The following DSPP variants were observed in gnomAD, a reference collection of about 807,000 sequenced individuals.
DSPP encodes dentin sialophosphoprotein, also known as deafness, autosomal dominant 39.
In DSPP, 28 loss-of-function variants were observed where a neutral mutation model predicts 29.1. That is an observed-to-expected ratio of 0.96 (90% CI 0.71 to 1.32). DSPP has a LOEUF of 1.32. Among genes scored for constraint, DSPP ranks in the 40% most tolerant of loss-of-function variants. The pLI is 0.00. For missense variants in DSPP, 1,281 were observed against 1,629.9 expected (o/e 0.79, Z 3.69); for synonymous variants, 481 against 503.4 (o/e 0.96, Z 0.60).
chr4:87,609,758 G>T (rs180684155), intron 1 of DSPP, among the ~76,000 whole-genome samples: 1 of 152,168 alleles, frequency 6.6e-6, no homozygotes, highest in Admixed American at 6.5e-5. Context: ...CTATACATCT[G>T]GTGGGAGTTC....
rs1463483378 is a variant in DSPP at position 87,615,508 on chromosome 4, A to G, written c.2846A>G (p.Asp949Gly). Reference protein sequence around the residue: ...SNSSDSSDSSDSSNSSDSSNS... With the variant: ...SNSSDSSDSSGSSNSSDSSNS... The stretch of plus-strand genomic sequence containing the variant: ...AGCAGTGACAGCAGTGATAGCAGTG[A>G]CAGCAGTAATAGTAGTGACAGCAGC... The change falls in exon 5 of 5, where the codon GAC (aspartate) becomes GGC (glycine). Residue 949 changes from aspartate to glycine, a missense_variant. Around this residue, in one of 4 missense-constraint regions of DSPP, gnomAD observed 444 missense variants for 611.4 expected, o/e 0.73. Coordinates refer to ENST00000651931, the MANE Select transcript of DSPP (RefSeq NM_014208.3). 9.7e-6 allele frequency: 15 copies of G among 1,543,506 alleles called. No homozygotes were observed. Among genetic ancestry groups the G allele is most frequent in the Middle Eastern group, 1.7e-4 (1 of 5,954 alleles).
At position 87,613,835 on chromosome 4, in the gene DSPP, AG is replaced by A. The variant is rs1341253075; in HGVS notation, c.1174del (p.Val392LeufsTer16). On this transcript the variant is annotated frameshift_variant, in exon 5 of 5. Transcript: ENST00000651931. LOFTEE classifies it low-confidence loss of function (END_TRUNC). ...GTGGCAACAGAAATATTACCAAAGAAGTTGGGAAAGGCAACGAAGGTAAAGA... is the reference window on the plus strand; with the variant it reads ...GTGGCAACAGAAATATTACCAAAGAATTGGGAAAGGCAACGAAGGTAAAGA... ...SSGNRNITKEVGKGNEGKEDK... is the reference protein window; with the variant it reads ...SSGNRNITKEXGKGNEGKEDK... The A allele has an allele frequency of 6.2e-7, 1 of 1,614,208 alleles. No homozygotes were observed. The highest frequency in any genetic ancestry group is 8.5e-7 in the Non-Finnish European group (1 of 1,180,034).
At chr4:87,611,063 G>A in intron 2 of DSPP, 104 bp downstream of exon 2, 1 of 1,070,168 alleles carries the variant, frequency 9.3e-7, no homozygotes, top group Non-Finnish European at 1.4e-6. Context: ...GTGTGTGTGT[G>A]CATGTACATG....
rs1320656213 is a variant in DSPP at position 87,615,193 on chromosome 4, G to T, written c.2531G>T (p.Ser844Ile). Residue 844 changes from serine to isoleucine, a missense_variant, in exon 5 of 5, where the codon AGC becomes ATC. Coordinates refer to ENST00000651931, the MANE Select transcript of DSPP (RefSeq NM_014208.3). ...DSSNSSDSSD[S>I]SDSSDGSDSD... ...AGCAACAGCAGTGATAGCAGCGACAGCAGCGATAGCAGTGACGGCAGTGAT... is the reference window on the plus strand; with the variant it reads ...AGCAACAGCAGTGATAGCAGCGACATCAGCGATAGCAGTGACGGCAGTGAT... 1.3e-6 allele frequency: 2 copies of T among 1,515,536 alleles called. No homozygotes were observed. The highest frequency in any genetic ancestry group is 2.8e-5 in the African/African-American group (2 of 72,148). 93.9% of individuals were successfully genotyped at this position (1,515,536 alleles called of 1,614,324 possible). A position where few individuals can be genotyped will look rare whatever the true frequency, so the allele number is the denominator to read the frequency against.
rs1472687825 is a variant in DSPP, at chr4:87,612,718, G to A, written c.532G>A (p.Val178Ile). The A allele has an allele frequency of 1.9e-6, 3 of 1,614,052 alleles. No individual in the cohort carries two copies. Among genetic ancestry groups the A allele is most frequent in the Non-Finnish European group, 2.5e-6 (3 of 1,180,024 alleles). ...GDAGHNEDVA[V>I]VQEDGPQVAG... is the part of the protein sequence containing the mutation. ...TGCAGGTCACAATGAGGATGTCGCT[G>A]TTGTCCAAGAAGATGGACCTCAAGT... The change falls in exon 4 of 5, where the codon GTT becomes ATT. Residue 178 changes from valine to isoleucine, a missense_variant. Physicochemically the swap from Val to Ile is conservative, Grantham distance 29. Around this residue, in one of 4 missense-constraint regions of DSPP, gnomAD observed 631 missense variants for 643.2 expected, o/e 0.98. Coordinates refer to ENST00000651931, the MANE Select transcript of DSPP (RefSeq NM_014208.3).
At position 87,611,033 on chromosome 4, in the gene DSPP, G is replaced by C. The variant is rs796875549; in HGVS notation, c.51+74G>C. ...ACCTAACATTAATACAAAATGTAGTGTGTGTGTGTGTGTGTGTGTGTGTGT... is the reference window on the plus strand; with the variant it reads ...ACCTAACATTAATACAAAATGTAGTCTGTGTGTGTGTGTGTGTGTGTGTGT... On this transcript the variant is annotated intron_variant, in intron 2 of 4. Transcript: ENST00000651931. The C allele has an allele frequency of 7.9e-5, 53 of 667,556 alleles. No homozygotes were observed. In the African/African-American group the frequency reaches 1.1e-3, roughly 13 times the overall value. The allele number at this position is 667,556 out of a possible 1,614,324, so 41.4% of individuals were successfully genotyped here.
Position 87,616,199 on chromosome 4 carries a change from T to C in DSPP, c.3537T>C (p.Asn1179=), listed in dbSNP as rs367686474. 774 of 1,429,306 alleles carry C rather than the reference T, an allele frequency of 5.4e-4. 25 individuals are homozygous for C. The highest frequency in any genetic ancestry group is 4.9e-3 in the African/African-American group (262 of 53,656). The allele number at this position is 1,429,306 out of a possible 1,614,324, so 88.5% of individuals were successfully genotyped here. The change falls in exon 5 of 5, where the codon AAT becomes AAC. Residue 1179 remains asparagine, a synonymous_variant. Coordinates refer to ENST00000651931, the MANE Select transcript of DSPP (RefSeq NM_014208.3). ...SDSSDSSDSS[N]SSDSSDSSDS... is the part of the protein sequence containing the mutation. Reference sequence around the variant, plus strand: ...GCAGCGATAGCAGTGACAGCAGCAATAGCAGTGATAGCAGCGACAGCAGTG... The same window carrying C: ...GCAGCGATAGCAGTGACAGCAGCAACAGCAGTGATAGCAGCGACAGCAGTG...
Position 87,616,792 on chromosome 4 carries a change from C to A in DSPP, c.*224C>A, listed in dbSNP as rs754320673. On this transcript the variant is annotated 3_prime_UTR_variant, in exon 5 of 5. Transcript: ENST00000651931. ...CCTTTGGTACATGCCTGTTAATATT[C>A]ATGTTCTGAAAATATTTTGTTAAAA... 3.3e-5 allele frequency: 22 copies of A among 674,738 alleles called. No homozygotes were observed. The highest frequency in any genetic ancestry group is 4.9e-5 in the Non-Finnish European group (20 of 404,792). The allele number at this position is 674,738 out of a possible 1,614,324, so 41.8% of individuals were successfully genotyped here.
rs1204485648 is a variant in DSPP, at chr4:87,615,395, C to G, written c.2733C>G (p.Ser911Arg). 5.2e-6 allele frequency: 7 copies of G among 1,350,030 alleles called. No individual in the cohort carries two copies. Among genetic ancestry groups the G allele is most frequent in the Non-Finnish European group, 5.8e-6 (6 of 1,030,848 alleles). The allele number at this position is 1,350,030 out of a possible 1,614,324, so 83.6% of individuals were successfully genotyped here. A position where few individuals can be genotyped will look rare whatever the true frequency, so the allele number is the denominator to read the frequency against. ...SDSDSSDSSN[S>R]SDSSDSSNSS... ...GTGACAGCAGTGATAGCAGCAACAGCAGTGACAGCAGTGATAGCAGCAACA... is the reference window on the plus strand; with the variant it reads ...GTGACAGCAGTGATAGCAGCAACAGGAGTGACAGCAGTGATAGCAGCAACA... The change falls in exon 5 of 5, where the codon AGC (serine) becomes AGG (arginine). Residue 911 changes from serine to arginine, a missense_variant. Ser to Arg is a moderately radical substitution (Grantham distance 110, BLOSUM62 -1). Coordinates refer to ENST00000651931, the MANE Select transcript of DSPP (RefSeq NM_014208.3).
chr4:87,612,619 A>G lies in DSPP; in HGVS notation c.433A>G (p.Asn145Asp). Residue 145 changes from asparagine to aspartate, a missense_variant, in exon 4 of 5, where the codon AAT (asparagine) becomes GAT (aspartate). Asn to Asp is a conservative substitution (Grantham distance 23). This residue lies in a region of DSPP where 631 missense variants were observed against 643.2 expected (regional missense o/e 0.98). Coordinates refer to ENST00000651931, the MANE Select transcript of DSPP (RefSeq NM_014208.3). ...GIQGQVSIID[N>D]AGATNRSNTN... Reference sequence around the variant, plus strand: ...CCAGGGACAAGTAAGCATCATTGACAATGCTGGAGCCACAAACAGAAGCAA... The same window carrying G: ...CCAGGGACAAGTAAGCATCATTGACGATGCTGGAGCCACAAACAGAAGCAA... The G allele has an allele frequency of 1.2e-6, 2 of 1,614,164 alleles. No homozygotes were observed. The highest frequency in any genetic ancestry group is 1.7e-6 in the Non-Finnish European group (2 of 1,180,018).
chr4:87,612,078 C>T (rs1727744953), intron 2 of DSPP, 27 bp from the exon 3 acceptor site: 6 of 1,606,990 alleles, frequency 3.7e-6, no homozygotes, highest in Non-Finnish European at 5.1e-6. Context: ...AGAACCTTTT[C>T]AATAGCCAGT....
In DSPP at chr4:87,614,028, G is replaced by C; in HGVS notation, c.1366G>C (p.Asp456His). ...TGATGGATATGACAGTTATGATTTT[G>C]ATGATAAGTCCATGCAAGGAGATGA... ...NSDGYDSYDFDDKSMQGDDPN... is the reference protein window; with the variant it reads ...NSDGYDSYDFHDKSMQGDDPN... Residue 456 changes from aspartate (D) to histidine (H), a missense_variant, in exon 5 of 5, where the codon GAT (aspartate) becomes CAT (histidine). Asp to His is a moderately conservative substitution (Grantham distance 81). Transcript: ENST00000651931. 6.2e-7 allele frequency: 1 copy of C among 1,614,222 alleles called. No homozygotes were observed. The highest frequency in any genetic ancestry group is 8.5e-7 in the Non-Finnish European group (1 of 1,180,036).
Position 87,613,087 on chromosome 4 carries a change from A to G in DSPP, c.901A>G (p.Ser301Gly), listed in dbSNP as rs747491091. 1 of 1,614,190 alleles carries G rather than the reference A, an allele frequency of 6.2e-7. No homozygotes were observed. Among genetic ancestry groups the G allele is most frequent in the Non-Finnish European group, 8.5e-7 (1 of 1,180,022 alleles). Residue 301 changes from serine (S) to glycine (G), a missense_variant, in exon 4 of 5, where the codon AGT becomes GGT. By Grantham distance (56) the Ser-to-Gly change is moderately conservative. Transcript: ENST00000651931. ...TAGTAGCATAGGTCAAAATTCAGAT[A>G]GTAAAGAATATTATGACCCTGAAGG... The part of the protein sequence containing the change: ...HDSSIGQNSD[S>G]KEYYDPEGKE...
chr4:87,612,372 T>C lies in DSPP; in HGVS notation c.186T>C (p.His62=), dbSNP rs763839350. 5 of 1,613,848 alleles carry C rather than the reference T, an allele frequency of 3.1e-6. No individual in the cohort carries two copies. Among genetic ancestry groups the C allele is most frequent in the Non-Finnish European group, 4.2e-6 (5 of 1,179,978 alleles). ...TCAAAGAAAGTGGTGTCCTGGTGCA[T>C]GAAGGTGATAGAGGAAGGCAAGAGA... ...GTIKESGVLV[H]EGDRGRQENT... is the part of the protein sequence containing the mutation. Residue 62 remains histidine (H), a synonymous_variant, in exon 4 of 5, where the codon CAT becomes CAC. Coordinates refer to ENST00000651931, the MANE Select transcript of DSPP (RefSeq NM_014208.3).
chr4:87,613,304 A>G lies in DSPP; in HGVS notation c.1118A>G (p.Asp373Gly). 1 of 1,613,124 alleles carries G rather than the reference A, an allele frequency of 6.2e-7. No homozygotes were observed. The highest frequency in any genetic ancestry group is 1.1e-5 in the South Asian group (1 of 91,070). Residue 373 changes from aspartate to glycine, a missense_variant, in exon 4 of 5, where the codon GAT becomes GGT. By Grantham distance (94) the Asp-to-Gly change is moderately conservative. Coordinates refer to ENST00000651931, the MANE Select transcript of DSPP (RefSeq NM_014208.3). ...ACACATGCTGTTGGGAAGAGCCAAG[A>G]TAAGGTTAGTTTGTAAAGCTGATTT... is the stretch of plus-strand genomic sequence containing the variant. Reference protein sequence around the residue: ...SETHAVGKSQDKGIEIKGPSS... With the variant: ...SETHAVGKSQGKGIEIKGPSS...
At chr4:87,609,981 T>C (rs1727703552) in intron 1 of DSPP, among the ~76,000 whole-genome samples, 2 of 152,218 alleles carry the variant, frequency 1.3e-5, no homozygotes, top group Admixed American at 1.3e-4. Flanking sequence ...TATTCAAAAA[T>C]TGCAAAGTGC....
chr4:87,613,651 A>G, intron 4 of DSPP, 134 bp from the exon 5 acceptor site: 1 of 1,318,614 alleles, frequency 7.6e-7, no homozygotes, highest in Non-Finnish European at 1.1e-6. Context: ...GCACATTTTC[A>G]CAAATAACTG....
intron 1 of DSPP, among the ~76,000 whole-genome samples, chr4:87,609,224 A>G (rs1434097212): frequency 1.3e-5 from 2 of 152,198 alleles, no homozygotes; most frequent in African/African-American, 2.4e-5. Context: ...GGAAACGGTG[A>G]TAACCATCAT....
At chr4:87,610,732 G>T in intron 1 of DSPP, 149 bp from the exon 2 acceptor site, 1 of 627,044 alleles carries the variant, frequency 1.6e-6, no homozygotes. Flanking sequence ...AACCACACCA[G>T]GTATGTTCTG....
Sources: gnomAD v4.1 joint callset for allele counts (sites outside exome capture counted in the v4.1 genomes callset) on GRCh38, gnomAD v4.1.1 for gene constraint, gnomAD v4.1.1 regional missense constraint, MANE v1.5 for transcripts, NCBI Gene and HGNC (gene_info 2026-07-23, HGNC 2026-07-21) for gene names.